EPHB1: variants seen among roughly 807,000 people sequenced by gnomAD.
EPHB1 encodes the protein EPH receptor B1.
A neutral mutation model predicts 94.4 loss-of-function variants in EPHB1; 30 were observed. That is an observed-to-expected ratio of 0.32 (90% CI 0.24 to 0.43). EPHB1 has a LOEUF of 0.43. Ranked by LOEUF, EPHB1 falls within the 20% of genes least tolerant of loss-of-function variation. The pLI is 1.00. For synonymous variants in EPHB1, 522 were observed against 489.1 expected (o/e 1.07, Z -0.89); for missense variants, 1,055 against 1,308.3 (o/e 0.81, Z 2.99).
intron 1 of EPHB1, among the ~76,000 whole-genome samples, chr3:134,891,355 C>G (rs758535577): frequency 2.0e-5 from 3 of 152,208 alleles, no homozygotes; most frequent in Non-Finnish European, 2.9e-5. Flanking sequence ...AGTGATCCAC[C>G]TGCCTTGGCC....
chr3:135,012,061 G>A (rs906327111), intron 3 of EPHB1, among the ~76,000 whole-genome samples: 7 of 152,186 alleles, frequency 4.6e-5, no homozygotes, highest in South Asian at 2.1e-4. Context: ...TTCTATATAC[G>A]TAATGAGGGA....
intron 1 of EPHB1, among the ~76,000 whole-genome samples, chr3:134,872,799 C>T (rs993390361): frequency 6.6e-6 from 1 of 152,294 alleles, no homozygotes; most frequent in East Asian, 1.9e-4. Context: ...TTCTTGTATG[C>T]CTCCCCTACC....
Position 135,241,368 on chromosome 3 carries a change from T to G in EPHB1, c.2496+71T>G, listed in dbSNP as rs567965608. Reference sequence around the variant, plus strand: ...ATCCCAAAGGCAGTAGCATACCAATTCCTCCTGTTTTCAGCTCACGGCCTC... The same window carrying G: ...ATCCCAAAGGCAGTAGCATACCAATGCCTCCTGTTTTCAGCTCACGGCCTC... On this transcript the variant is annotated intron_variant, in intron 13 of 15. Transcript: ENST00000398015. 3.7e-4 allele frequency: 587 copies of G among 1,584,912 alleles called. 2 individuals carry two copies. The African/African-American group carries it at 6.9e-3, about 19-fold the overall frequency.
intron 3 of EPHB1, among the ~76,000 whole-genome samples, chr3:135,037,054 A>G (rs1012197017): frequency 6.6e-6 from 1 of 152,156 alleles, no homozygotes; most frequent in African/African-American, 2.4e-5. Flanking sequence ...CTCTCAAGAC[A>G]TGGGGAACAT....
At chr3:135,228,863 A>T (rs1183436390) in intron 12 of EPHB1, among the ~76,000 whole-genome samples, 1 of 152,028 alleles carries the variant, frequency 6.6e-6, no homozygotes, top group Non-Finnish European at 1.5e-5. Context: ...GCAAGGACAC[A>T]CTTCTCCATG....
intron 9 of EPHB1, among the ~76,000 whole-genome samples, chr3:135,171,102 A>C (rs1941790317): frequency 6.6e-6 from 1 of 152,218 alleles, no homozygotes. Flanking sequence ...AGAGATGATT[A>C]AGCAGATGAG....
chr3:135,079,161 G>A (rs924794965), intron 3 of EPHB1, among the ~76,000 whole-genome samples: 7 of 151,572 alleles, frequency 4.6e-5, no homozygotes, highest in South Asian at 2.1e-4. Flanking sequence ...ACCCATGATC[G>A]CATCTTCTCA....
intron 11 of EPHB1, among the ~76,000 whole-genome samples, chr3:135,195,093 A>T (rs1014195610): frequency 3.3e-5 from 5 of 152,170 alleles, no homozygotes; most frequent in Non-Finnish European, 4.4e-5. Context: ...AATAAACTTG[A>T]ATAAAAGGCA....
intron 5 of EPHB1, among the ~76,000 whole-genome samples, chr3:135,138,941 G>A (rs9840863): frequency 0.04 from 6,146 of 152,300 alleles, 204 homozygotes; most frequent in South Asian, 0.19. Context: ...TCGGCAGATG[G>A]CACTGCCCCT....
chr3:134,950,761 C>T (rs1932996950), intron 2 of EPHB1, among the ~76,000 whole-genome samples: 1 of 152,196 alleles, frequency 6.6e-6, no homozygotes, highest in Non-Finnish European at 1.5e-5. Flanking sequence ...TTGGGAATCA[C>T]ATTTCAACAT....
chr3:134,853,666 A>G (rs1419959624), intron 1 of EPHB1, among the ~76,000 whole-genome samples: 1 of 152,208 alleles, frequency 6.6e-6, no homozygotes. Context: ...TGAGTTCAAG[A>G]TGGAAGGTGG....
intron 9 of EPHB1, among the ~76,000 whole-genome samples, chr3:135,173,693 G>T (rs1941885976): frequency 6.6e-6 from 1 of 152,170 alleles, no homozygotes; most frequent in Non-Finnish European, 1.5e-5. Context: ...CCAGTCTTCA[G>T]CCTTCCTGCT....
intron 3 of EPHB1, among the ~76,000 whole-genome samples, chr3:135,057,145 G>A (rs948988100): frequency 6.6e-6 from 1 of 152,154 alleles, no homozygotes; most frequent in Non-Finnish European, 1.5e-5. Flanking sequence ...AGGAGCCTGG[G>A]CAAGCCAAGG....
intron 1 of EPHB1, among the ~76,000 whole-genome samples, chr3:134,848,029 T>A (rs2036909157): frequency 6.6e-6 from 1 of 152,340 alleles, no homozygotes; most frequent in South Asian, 2.1e-4. Context: ...GGGGCATTTT[T>A]GTATTTTCTG....
chr3:135,000,221 A>C (rs1034491940), intron 3 of EPHB1, among the ~76,000 whole-genome samples: 1 of 152,268 alleles, frequency 6.6e-6, no homozygotes, highest in African/African-American at 2.4e-5. Flanking sequence ...CTGTTGAAAA[A>C]TGAGGTCTCT....
chr3:135,134,939 GT>G (rs1416117143), intron 5 of EPHB1, among the ~76,000 whole-genome samples: 1 of 152,030 alleles, frequency 6.6e-6, no homozygotes, highest in Non-Finnish European at 1.5e-5. Flanking sequence ...CCATCTGCTT[GT>G]CTTGCCATCT....
chr3:134,867,350 T>A (rs990178822), intron 1 of EPHB1, among the ~76,000 whole-genome samples: 1 of 152,206 alleles, frequency 6.6e-6, no homozygotes, highest in Non-Finnish European at 1.5e-5. Context: ...GCTCAAATGA[T>A]GGAACCAGCA....
intron 1 of EPHB1, among the ~76,000 whole-genome samples, chr3:134,845,761 T>C (rs2036861151): frequency 6.6e-6 from 1 of 152,214 alleles, no homozygotes; most frequent in Non-Finnish European, 1.5e-5. Context: ...TTCCTGCCAC[T>C]ATCATTTTAC....
intron 5 of EPHB1, among the ~76,000 whole-genome samples, chr3:135,138,595 A>C (rs1307686845): frequency 6.6e-6 from 1 of 152,226 alleles, no homozygotes; most frequent in Non-Finnish European, 1.5e-5. Context: ...AAGCCAGTTC[A>C]TTTTTAAGGG....
Sources: allele counts gnomAD v4.1 joint callset (sites outside exome capture counted in the v4.1 genomes callset), GRCh38; gene constraint gnomAD v4.1.1; transcripts MANE v1.5; gene names NCBI Gene and HGNC (gene_info 2026-07-23, HGNC 2026-07-21).